SEC62: variants seen among roughly 807,000 people sequenced by gnomAD.
SEC62 encodes translocation protein SEC62.
A neutral mutation model predicts 47.5 loss-of-function variants in SEC62; 10 were observed. The ratio of observed to expected loss-of-function variants is 0.21; its 90% confidence interval spans 0.13 to 0.36. The LOEUF (loss-of-function observed/expected upper bound fraction) is 0.36, where lower values mean the gene tolerates loss of function less well. Among genes scored for constraint, SEC62 ranks in the 10% least tolerant of loss-of-function variants. SEC62 has a pLI of 1.00. For synonymous variants in SEC62, 136 were observed against 150.5 expected (o/e 0.90, Z 0.71); for missense variants, 327 against 464.1 (o/e 0.70, Z 2.71).
At position 169,993,293 on chromosome 3, in the gene SEC62, A is replaced by T. The variant is rs576839515; in HGVS notation, c.*230A>T. The T allele has an allele frequency of 1.9e-4, 79 of 406,136 alleles. No individual in the cohort carries two copies. Among genetic ancestry groups the T allele is most frequent in the Non-Finnish European group, 3.0e-4 (68 of 228,470 alleles). 25.2% of individuals were successfully genotyped at this position (406,136 alleles called of 1,614,324 possible). ...TTTATCCATTTGATAATTTTACAGTAAGTAGGTCTCATTCATTTTGACAGT... is the reference window on the plus strand; with the variant it reads ...TTTATCCATTTGATAATTTTACAGTTAGTAGGTCTCATTCATTTTGACAGT... On this transcript the variant is annotated 3_prime_UTR_variant, in exon 8 of 8. Coordinates refer to ENST00000337002, the MANE Select transcript of SEC62 (RefSeq NM_003262.4).
intron 5 of SEC62, among the ~76,000 whole-genome samples, chr3:169,984,220 C>G (rs144152702): frequency 3.7e-4 from 57 of 152,222 alleles, no homozygotes; most frequent in African/African-American, 1.3e-3. Flanking sequence ...GATTATATAT[C>G]TATAATAAAG....
At chr3:169,973,624 T>C (rs527937392) in intron 1 of SEC62, among the ~76,000 whole-genome samples, 4 of 151,312 alleles carry the variant, frequency 2.6e-5, no homozygotes, top group South Asian at 2.1e-4. Flanking sequence ...GATAGCACCA[T>C]TGCACTCCAG....
intron 1 of SEC62, among the ~76,000 whole-genome samples, chr3:169,969,643 C>T (rs1576854384): frequency 1.3e-5 from 2 of 152,102 alleles, no homozygotes; most frequent in East Asian, 3.9e-4. Flanking sequence ...AATCCAGGAT[C>T]GTCAATCAAG....
chr3:169,970,558 G>C (rs567828894), intron 1 of SEC62, among the ~76,000 whole-genome samples: 2 of 151,876 alleles, frequency 1.3e-5, no homozygotes, highest in East Asian at 1.9e-4. Flanking sequence ...TTTGAGTGTC[G>C]GTGTATTCTA....
chr3:169,987,832 G>A (rs1319660921), intron 6 of SEC62, among the ~76,000 whole-genome samples: 1 of 152,180 alleles, frequency 6.6e-6, no homozygotes, highest in Non-Finnish European at 1.5e-5. Context: ...TCTCCAGAGA[G>A]GGGTCTTGGA....
At chr3:169,988,126 A>G in intron 6 of SEC62, 114 bp from the exon 7 acceptor site, 1 of 1,194,732 alleles carries the variant, frequency 8.4e-7, no homozygotes, top group East Asian at 2.4e-5. Flanking sequence ...GCAATTTTAT[A>G]TTTCACTGTG....
At position 169,993,160 on chromosome 3, in the gene SEC62, T is replaced by C; in HGVS notation, c.*97T>C. 1 of 872,474 alleles carries C rather than the reference T, an allele frequency of 1.1e-6. No homozygotes were observed. Among genetic ancestry groups the C allele is most frequent in the South Asian group, 1.8e-5 (1 of 54,674 alleles). 54.0% of individuals were successfully genotyped at this position (872,474 alleles called of 1,614,324 possible). A position where few individuals can be genotyped will look rare whatever the true frequency, so the allele number is the denominator to read the frequency against. ...GAACACATGGCATTTGTAGCATTCT[T>C]TAAATCTATCTACTGAAATGTATTT... On this transcript the variant is annotated 3_prime_UTR_variant, in exon 8 of 8. Coordinates refer to ENST00000337002, the MANE Select transcript of SEC62 (RefSeq NM_003262.4).
At chr3:169,975,400 C>T (rs1714810606) in intron 1 of SEC62, 1 of 399,236 alleles carries the variant, frequency 2.5e-6, no homozygotes, top group Admixed American at 3.7e-5. Flanking sequence ...ACAGGCTTTG[C>T]CTCTATCAAC....
chr3:169,981,967 G>A lies in SEC62; in HGVS notation c.252-740G>A, dbSNP rs115851108. Among the ~76,000 whole-genome samples, 867 of 152,250 alleles carry A rather than the reference G, an allele frequency of 5.7e-3. 8 individuals are homozygous for A. The highest frequency in any genetic ancestry group is 0.02 in the African/African-American group (829 of 41,544). On this transcript the variant is annotated intron_variant, in intron 3 of 7. Coordinates refer to ENST00000337002, the MANE Select transcript of SEC62 (RefSeq NM_003262.4). ...AAGGACCTGCTTATTTGGGGGAAGA[G>A]CATTCTAAGTAAAGGGAACAGCCAG...
chr3:169,983,532 G>C, intron 5 of SEC62: 1 of 202,796 alleles, frequency 4.9e-6, no homozygotes, highest in Non-Finnish European at 9.9e-6. Flanking sequence ...AAGCTGTACA[G>C]ATACGTCAGC....
chr3:169,985,724 G>A, intron 5 of SEC62, 81 bp from the exon 6 acceptor site: 5 of 1,072,506 alleles, frequency 4.7e-6, no homozygotes, highest in Non-Finnish European at 6.8e-6. Flanking sequence ...CTGCTTTAAG[G>A]GACCTAAAAT....
intron 3 of SEC62, among the ~76,000 whole-genome samples, chr3:169,979,703 CT>C (rs1315388323): frequency 3.3e-5 from 5 of 152,196 alleles, no homozygotes; most frequent in African/African-American, 1.2e-4. Flanking sequence ...TCCCCAGGCC[CT>C]CCAGCCTTCA....
In SEC62 at chr3:169,982,658, A is replaced by G. The variant is rs752463562; in HGVS notation, c.252-49A>G. The stretch of plus-strand genomic sequence containing the variant: ...TCAGGTCTTGATATTTTTGCTTTTC[A>G]GTCTCTATCTATATGGGGAGTGTAA... On this transcript the variant is annotated intron_variant, in intron 3 of 7. Transcript: ENST00000337002. The G allele has an allele frequency of 1.9e-6, 3 of 1,591,758 alleles. 1 individual carries two copies. In the South Asian group the frequency reaches 3.3e-5, roughly 18 times the overall value.
At chr3:169,987,560 C>A (rs1715138636) in intron 6 of SEC62, among the ~76,000 whole-genome samples, 1 of 152,156 alleles carries the variant, frequency 6.6e-6, no homozygotes, top group Admixed American at 6.5e-5. Context: ...GTAACTTAGC[C>A]TCAAAAGAGT....
chr3:169,987,545 A>G (rs547928879), intron 6 of SEC62, among the ~76,000 whole-genome samples: 2 of 152,374 alleles, frequency 1.3e-5, no homozygotes, highest in East Asian at 3.9e-4. Flanking sequence ...CTTATTAAAT[A>G]TAAGGTAACT....
intron 1 of SEC62, 25 bp from the exon 2 acceptor site, chr3:169,975,583 C>T (rs773597992): frequency 5.8e-6 from 8 of 1,374,130 alleles, no homozygotes; most frequent in Admixed American, 5.1e-5. Context: ...TATGATTATA[C>T]TAAATTAATA....
chr3:169,973,207 T>G (rs1182423345), intron 1 of SEC62, among the ~76,000 whole-genome samples: 1 of 152,234 alleles, frequency 6.6e-6, no homozygotes, highest in African/African-American at 2.4e-5. Flanking sequence ...CTAACATATA[T>G]TAATATATTT....
intron 3 of SEC62, among the ~76,000 whole-genome samples, chr3:169,980,954 T>A (rs1210226765): frequency 6.6e-6 from 1 of 152,174 alleles, no homozygotes; most frequent in African/African-American, 2.4e-5. Flanking sequence ...GGAAATCATA[T>A]AAGTGCACAA....
At position 169,997,165 on chromosome 3, in the gene SEC62, G is replaced by C. The variant is rs188538988; in HGVS notation, c.*4102G>C. 3.9e-5 allele frequency: 6 copies of C among 152,302 alleles called. No homozygotes were observed. In the East Asian group the frequency reaches 7.7e-4, roughly 20 times the overall value. The allele number at this position is 152,302 out of a possible 1,614,324, so 9.4% of individuals were successfully genotyped here. ...GCAGTTAGTTGTGAGTTTCTGAGTA[G>C]GTCCCAATGCGTTTATTTCATTTGT... is the stretch of plus-strand genomic sequence containing the variant. On this transcript the variant is annotated 3_prime_UTR_variant, in exon 8 of 8. Transcript: ENST00000337002.
Sources: allele counts gnomAD v4.1 joint callset (sites outside exome capture counted in the v4.1 genomes callset), GRCh38; gene constraint gnomAD v4.1.1; transcripts MANE v1.5; gene names NCBI Gene and HGNC (gene_info 2026-07-23, HGNC 2026-07-21).